DNAH1: variants seen among roughly 807,000 people sequenced by gnomAD.
The protein encoded by DNAH1 is dynein axonemal heavy chain 1, also known as axonemal beta dynein heavy chain 1.
A neutral mutation model predicts 484.3 loss-of-function variants in DNAH1; 327 were observed. The observed-to-expected ratio is 0.68, with a 90% CI of 0.62 to 0.74. DNAH1 has a LOEUF of 0.74. Ranked by LOEUF, DNAH1 falls within the 30% of genes least tolerant of loss-of-function variation. DNAH1 has a pLI of 0.00. For missense variants in DNAH1, 5,052 were observed against 5,546.8 expected (o/e 0.91, Z 2.83); for synonymous variants, 2,192 against 2,191.9 (o/e 1.00, Z 0.00).
At chr3:52,386,485 C>A (rs1704116039) in intron 55 of DNAH1, 140 bp downstream of exon 55, 2 of 1,343,564 alleles carry the variant, frequency 1.5e-6, no homozygotes, top group African/African-American at 3.0e-5. Context: ...AGCATGGGCA[C>A]CTGGGTTGGG....
Position 52,364,869 on chromosome 3 carries a change from G to T in DNAH1, c.5368G>T (p.Val1790Leu), listed in dbSNP as rs951278557. 2.5e-6 allele frequency: 4 copies of T among 1,613,964 alleles called. No homozygotes were observed. In the Admixed American group the frequency reaches 6.7e-5, roughly 27 times the overall value. Residue 1790 changes from valine (V) to leucine (L), a missense_variant, in exon 34 of 78, where the codon GTG (valine) becomes TTG (leucine). Physicochemically the swap from Val to Leu is conservative, Grantham distance 32. Transcript: ENST00000420323. The surrounding 1 kb of genome is among the most constrained non-coding windows in gnomAD (Gnocchi z 4.2). ...ICLRAIRDVN[V>L]PKFLQEDLKL... ...CCTCCGGGCCATCCGTGATGTGAACGTGCCCAAGTTCCTGCAGGAGGACCT... is the reference window on the plus strand; with the variant it reads ...CCTCCGGGCCATCCGTGATGTGAACTTGCCCAAGTTCCTGCAGGAGGACCT...
chr3:52,353,787 G>C lies in DNAH1; in HGVS notation c.3480+154G>C. ...CAGGGGTTGAGATGCATTCTATTAA[G>C]TGAGTTAATAATGCACATAAAATTC... On this transcript the variant is annotated intron_variant, in intron 20 of 77. Coordinates refer to ENST00000420323, the MANE Select transcript of DNAH1 (RefSeq NM_015512.5). This position sits in a 1 kb window ranked among gnomAD's most constrained non-coding sequence, Gnocchi z 5.0. The C allele has an allele frequency of 7.1e-6, 7 of 988,602 alleles. No homozygotes were observed. The highest frequency in any genetic ancestry group is 8.8e-6 in the Non-Finnish European group (6 of 684,272). 61.2% of individuals were successfully genotyped at this position (988,602 alleles called of 1,614,324 possible).
intron 1 of DNAH1, among the ~76,000 whole-genome samples, chr3:52,318,388 TG>T (rs1158886452): frequency 2.6e-5 from 4 of 152,216 alleles, no homozygotes; most frequent in Admixed American, 1.3e-4. Context: ...GTCCTGTACT[TG>T]CCAGACCAGT....
At position 52,396,645 on chromosome 3, in the gene DNAH1, T is replaced by TC; in HGVS notation, c.11459dup (p.Leu3821SerfsTer13). On this transcript the variant is annotated frameshift_variant, in exon 72 of 78. Transcript: ENST00000420323. LOFTEE classifies it high-confidence loss of function. Reference sequence around the variant, plus strand: ...GATGGAGTTCAAGTCTCTGCTGCTGTCTCTGTGCTTGTTCCATGGGAACGC... The same window carrying TC: ...GATGGAGTTCAAGTCTCTGCTGCTGTCCTCTGTGCTTGTTCCATGGGAACGC... The TC allele has an allele frequency of 1.2e-6, 2 of 1,613,488 alleles. No homozygotes were observed. The highest frequency in any genetic ancestry group is 1.7e-6 in the Non-Finnish European group (2 of 1,179,748).
At chr3:52,326,581 C>T (rs1013650590) in intron 4 of DNAH1, among the ~76,000 whole-genome samples, 154 bp from the exon 5 acceptor site, 7 of 152,120 alleles carry the variant, frequency 4.6e-5, no homozygotes, top group Non-Finnish European at 5.9e-5. Context: ...AGCCACCACA[C>T]CACTTCCTGA....
intron 8 of DNAH1, 46 bp from the exon 9 acceptor site, chr3:52,344,444 A>C (rs771753600): frequency 2.5e-6 from 4 of 1,593,968 alleles, no homozygotes; most frequent in Non-Finnish European, 3.4e-6. Flanking sequence ...TGGGGTTCAC[A>C]GGGTGTGGAG....
In DNAH1 at chr3:52,373,503, A is replaced by G. The variant is rs1301032664; in HGVS notation, c.6985+450A>G. On this transcript the variant is annotated intron_variant, in intron 44 of 77. Coordinates refer to ENST00000420323, the MANE Select transcript of DNAH1 (RefSeq NM_015512.5). ...AGAATCAGAGCAAATTTCCGTCAGG[A>G]AAAACAGCCTTGTTGCTGTCCCGTC... 5.5e-6 allele frequency: 8 copies of G among 1,459,568 alleles called. No individual in the cohort carries two copies. The East Asian group carries it at 1.9e-4, about 35-fold the overall frequency. The allele number at this position is 1,459,568 out of a possible 1,614,324, so 90.4% of individuals were successfully genotyped here.
intron 43 of DNAH1, 47 bp downstream of exon 43, chr3:52,372,434 G>A (rs1703386976): frequency 6.2e-7 from 1 of 1,602,964 alleles, no homozygotes; most frequent in South Asian, 1.1e-5. Flanking sequence ...CTCCCAGCCT[G>A]GCCGATCCAG....
intron 35 of DNAH1, 61 bp from the exon 36 acceptor site, chr3:52,366,671 GC>G (rs1703089312): frequency 6.3e-7 from 1 of 1,575,284 alleles, no homozygotes; most frequent in Non-Finnish European, 8.7e-7. Flanking sequence ...CCTCCCCTTG[GC>G]CCCCAGCCCA....
In DNAH1 at chr3:52,359,900, C is replaced by T. The variant is rs1309180564; in HGVS notation, c.4408-16C>T. 4.3e-6 allele frequency: 7 copies of T among 1,613,208 alleles called. No individual in the cohort carries two copies. The highest frequency in any genetic ancestry group is 4.2e-6 in the Non-Finnish European group (5 of 1,179,556). On this transcript the variant is annotated splice_polypyrimidine_tract_variant and intron_variant, in intron 26 of 77. Coordinates refer to ENST00000420323, the MANE Select transcript of DNAH1 (RefSeq NM_015512.5). Reference sequence around the variant, plus strand: ...CGTGGTACCCTGATGTTTGACAGTGCACCCCATTTCTGCAGCTCAGTGATC... The same window carrying T: ...CGTGGTACCCTGATGTTTGACAGTGTACCCCATTTCTGCAGCTCAGTGATC...
rs1177100981 is a variant in DNAH1, at chr3:52,363,059, A to ATTCCT, written c.5162_5166dup (p.Gly1723ProfsTer35). ...GCCATGATCACTGAGATCTCCCTCT[A>ATTCCT]TTCCTTTGGCTTTAATGAGGCCAGT... On this transcript the variant is annotated frameshift_variant, in exon 32 of 78. Transcript: ENST00000420323. LOFTEE classifies it high-confidence loss of function. 4.3e-6 allele frequency: 7 copies of ATTCCT among 1,613,968 alleles called. No homozygotes were observed. Among genetic ancestry groups the ATTCCT allele is most frequent in the Non-Finnish European group, 5.1e-6 (6 of 1,179,854 alleles).
intron 63 of DNAH1, 65 bp from the exon 64 acceptor site, chr3:52,392,399 G>T (rs1047639633): frequency 4.7e-6 from 7 of 1,478,622 alleles, no homozygotes; most frequent in Admixed American, 1.8e-5. Context: ...TGGGTGACCA[G>T]GTTCACGACT....
At position 52,382,409 on chromosome 3, in the gene DNAH1, C is replaced by G. The variant is rs375966748; in HGVS notation, c.7895C>G (p.Ala2632Gly). The G allele has an allele frequency of 3.1e-6, 5 of 1,613,880 alleles. No individual in the cohort carries two copies. Among genetic ancestry groups the G allele is most frequent in the Non-Finnish European group, 4.2e-6 (5 of 1,179,888 alleles). The part of the protein sequence containing the change: ...RDDVKKVLLK[A>G]GLQNLPITFL... ...GATGTGAAGAAGGTCCTGCTCAAGGCGGGCCTACAGAACCTACCCATCACC... is the reference window on the plus strand; with the variant it reads ...GATGTGAAGAAGGTCCTGCTCAAGGGGGGCCTACAGAACCTACCCATCACC... Residue 2632 changes from alanine (A) to glycine (G), a missense_variant, in exon 50 of 78, where the codon GCG (alanine) becomes GGG (glycine). Coordinates refer to ENST00000420323, the MANE Select transcript of DNAH1 (RefSeq NM_015512.5).
rs1391481692 is a variant in DNAH1 at position 52,395,488 on chromosome 3, A to C, written c.11127+22A>C. 6.2e-7 allele frequency: 1 copy of C among 1,613,550 alleles called. No homozygotes were observed. Among genetic ancestry groups the C allele is most frequent in the African/African-American group, 1.3e-5 (1 of 74,946 alleles). ...GCAGGTCAGGGCTAGGCAGGGAGGA[A>C]GGGAGTGGGCTGGGGGGTGGGCAAG... On this transcript the variant is annotated intron_variant, in intron 69 of 77. Transcript: ENST00000420323. The surrounding 1 kb of genome is among the most constrained non-coding windows in gnomAD (Gnocchi z 4.4).
chr3:52,360,483 C>T, intron 28 of DNAH1, 59 bp downstream of exon 28: 1 of 1,456,568 alleles, frequency 6.9e-7, no homozygotes, highest in Non-Finnish European at 9.5e-7. Flanking sequence ...TTCTCTCTGG[C>T]CCAGGAATCC....
chr3:52,381,171 G>A lies in DNAH1; in HGVS notation c.7609-469G>A, dbSNP rs990271481. ...GCTGGAGGGCAGTGGCATGAACTTG[G>A]CTTACTGCAGCCTCTACCTCATGGG... On this transcript the variant is annotated intron_variant, in intron 48 of 77. Coordinates refer to ENST00000420323, the MANE Select transcript of DNAH1 (RefSeq NM_015512.5). The surrounding 1 kb of genome is among the most constrained non-coding windows in gnomAD (Gnocchi z 4.1). Among the ~76,000 whole-genome samples, 2 of 152,242 alleles carry A rather than the reference G, an allele frequency of 1.3e-5. No homozygotes were observed. The highest frequency in any genetic ancestry group is 4.8e-5 in the African/African-American group (2 of 41,536).
intron 8 of DNAH1, among the ~76,000 whole-genome samples, chr3:52,341,165 T>C (rs1048708351): frequency 6.6e-6 from 1 of 152,204 alleles, no homozygotes; most frequent in African/African-American, 2.4e-5. Flanking sequence ...TTCCTGTACC[T>C]GTAGCAGGAA....
intron 21 of DNAH1, among the ~76,000 whole-genome samples, chr3:52,356,218 A>G (rs1311681659): frequency 6.6e-6 from 1 of 152,228 alleles, no homozygotes; most frequent in East Asian, 1.9e-4. Flanking sequence ...AGACCCATTG[A>G]ATCTCAGAGA....
chr3:52,326,147 C>A lies in DNAH1; in HGVS notation c.414C>A (p.Ser138Arg). ...DLDKFTPRVGSFEVPEDFQER... is the reference protein window; with the variant it reads ...DLDKFTPRVGRFEVPEDFQER... Reference sequence around the variant, plus strand: ...CCCTGCTTCTACCTGCAGTCGGAAGCTTTGAGGTTCCTGAAGACTTCCAGG... The same window carrying A: ...CCCTGCTTCTACCTGCAGTCGGAAGATTTGAGGTTCCTGAAGACTTCCAGG... The change falls in exon 4 of 78, where the codon AGC becomes AGA. Residue 138 changes from serine (S) to arginine (R), a missense_variant. Around this residue, in one of 4 missense-constraint regions of DNAH1, gnomAD observed 1,263 missense variants for 1,218.8 expected, o/e 1.04. Coordinates refer to ENST00000420323, the MANE Select transcript of DNAH1 (RefSeq NM_015512.5). 6.2e-7 allele frequency: 1 copy of A among 1,603,142 alleles called. No individual in the cohort carries two copies.
Sources: gnomAD v4.1 joint callset for allele counts (sites outside exome capture counted in the v4.1 genomes callset) on GRCh38, gnomAD v4.1.1 for gene constraint, gnomAD v4.1.1 regional missense constraint, Gnocchi (gnomAD v3.1) non-coding constraint, MANE v1.5 for transcripts, NCBI Gene and HGNC (gene_info 2026-07-23, HGNC 2026-07-21) for gene names.